Variants in OPCML observed in about 807,000 individuals in gnomAD.
OPCML encodes opioid-binding protein/cell adhesion molecule.
OPCML carries 13 observed loss-of-function variants against 37.8 expected under a neutral mutation model. That is an observed-to-expected ratio of 0.34 (90% CI 0.22 to 0.55). OPCML has a LOEUF of 0.55. OPCML is among the 20% of genes least tolerant of loss of function. The pLI is 0.91. For synonymous variants in OPCML, 176 were observed against 168.8 expected (o/e 1.04, Z -0.33); for missense variants, 341 against 435.6 (o/e 0.78, Z 1.93).
rs1565669811 is a variant in OPCML at position 133,499,838 on chromosome 11, A to ATATATATATACACACATATATATGTGTG, written c.61+32425_61+32426insCACACATATATATGTGTGTATATATATA. ...TATATATACACACATATATATGTGT[A>ATATATATATACACACATATATATGTGTG]TGTATATATATATACATACACATAT... On this transcript the variant is annotated intron_variant, in intron 1 of 7. Coordinates refer to ENST00000524381, the MANE Select transcript of OPCML (RefSeq NM_001012393.5). Among the ~76,000 whole-genome samples, 82 of 136,748 alleles carry ATATATATATACACACATATATATGTGTG rather than the reference A, an allele frequency of 6.0e-4. 2 individuals carry two copies. The highest frequency in any genetic ancestry group is 2.2e-3 in the African/African-American group (76 of 35,070). The allele number at this position is 136,748 out of a possible 152,430, so 89.7% of individuals were successfully genotyped here.
At chr11:132,611,371 C>G (rs945483067) in intron 3 of OPCML, among the ~76,000 whole-genome samples, 3 of 152,220 alleles carry the variant, frequency 2.0e-5, no homozygotes, top group Admixed American at 6.5e-5. Flanking sequence ...AGTTCCAATC[C>G]TCACTTCTCC....
In OPCML at chr11:132,483,421, A is replaced by G. The variant is rs1290286675; in HGVS notation, c.505+45640T>C. Among the ~76,000 whole-genome samples, 6 of 152,304 alleles carry G rather than the reference A, an allele frequency of 3.9e-5. No homozygotes were observed. The East Asian group carries it at 9.6e-4, about 24-fold the overall frequency. ...ACTGCTCAATGAAATCAAAGAGGAT[A>G]CAAACAAATGGAAGAACATTCCATG... On this transcript the variant is annotated intron_variant, in intron 4 of 7. Coordinates refer to ENST00000524381, the MANE Select transcript of OPCML (RefSeq NM_001012393.5).
chr11:132,820,920 C>A (rs1339933985), intron 2 of OPCML, among the ~76,000 whole-genome samples: 1 of 152,078 alleles, frequency 6.6e-6, no homozygotes, highest in East Asian at 1.9e-4. Context: ...TATGTTTAAC[C>A]CAGATATTTT....
Position 133,174,729 on chromosome 11 carries a change from C to T in OPCML, c.62-231719G>A, listed in dbSNP as rs1323261095. ...CTCCTGAAAAATAAATTTATGTTTG[C>T]CTATCTATATTTTCATCTCTCTGAC... On this transcript the variant is annotated intron_variant, in intron 1 of 7. Transcript: ENST00000524381. The surrounding 1 kb of genome is among the most constrained non-coding windows in gnomAD (Gnocchi z 4.6). Among the ~76,000 whole-genome samples the T allele has an allele frequency of 2.0e-5, 3 of 150,878 alleles. No homozygotes were observed. In the East Asian group the frequency reaches 5.8e-4, roughly 29 times the overall value.
At chr11:133,506,143 A>G (rs2120580823) in intron 1 of OPCML, among the ~76,000 whole-genome samples, 1 of 152,344 alleles carries the variant, frequency 6.6e-6, no homozygotes, top group Admixed American at 6.5e-5. Context: ...CTGTAGTGTG[A>G]CAAAGGTAGG....
intron 1 of OPCML, among the ~76,000 whole-genome samples, chr11:133,035,328 A>G (rs1458378327): frequency 6.6e-6 from 1 of 152,210 alleles, no homozygotes; most frequent in Non-Finnish European, 1.5e-5. Context: ...GATCTCTCCA[A>G]CAAACTCCAT....
Position 132,637,316 on chromosome 11 carries a change from A to G in OPCML, c.379+19771T>C, listed in dbSNP as rs560104179. Among the ~76,000 whole-genome samples, 445 of 152,066 alleles carry G rather than the reference A, an allele frequency of 2.9e-3. 2 individuals carry two copies. The highest frequency in any genetic ancestry group is 0.022 in the South Asian group (108 of 4,804). On this transcript the variant is annotated intron_variant, in intron 3 of 7. Transcript: ENST00000524381. ...TCTTAAGCTTCATCACTGAGACCAG[A>G]CCACCCCCACATTTTAAGCCTGGTT... is the stretch of plus-strand genomic sequence containing the variant.
intron 1 of OPCML, among the ~76,000 whole-genome samples, chr11:133,029,980 G>T (rs1407418826): frequency 6.6e-6 from 1 of 152,138 alleles, no homozygotes; most frequent in African/African-American, 2.4e-5. Flanking sequence ...CTTGGTCAAG[G>T]TCACCATCAT....
intron 1 of OPCML, chr11:133,007,196 C>T: frequency 3.0e-6 from 3 of 985,424 alleles, no homozygotes; most frequent in Non-Finnish European, 3.6e-6. Context: ...TCACATAGCA[C>T]AGTACAACCT....
intron 3 of OPCML, among the ~76,000 whole-genome samples, chr11:132,651,116 G>A (rs1011801540): frequency 1.6e-4 from 24 of 152,228 alleles, no homozygotes; most frequent in African/African-American, 5.5e-4. Flanking sequence ...TCACCTCAGG[G>A]CCCACCCTTT....
intron 2 of OPCML, among the ~76,000 whole-genome samples, chr11:132,918,199 C>CT (rs1944669780): frequency 1.3e-5 from 2 of 151,936 alleles, no homozygotes; most frequent in African/African-American, 4.8e-5. Flanking sequence ...TTTTGTATCC[C>CT]TTTTTTCTAG....
intron 4 of OPCML, among the ~76,000 whole-genome samples, chr11:132,512,616 A>G (rs1029347771): frequency 6.6e-6 from 1 of 152,032 alleles, no homozygotes; most frequent in Non-Finnish European, 1.5e-5. Flanking sequence ...ACAAGATTTT[A>G]CATTTTTTTC....
intron 7 of OPCML, among the ~76,000 whole-genome samples, chr11:132,427,659 C>T (rs118026503): frequency 2.4e-3 from 372 of 152,304 alleles, no homozygotes; most frequent in Non-Finnish European, 3.9e-3. Flanking sequence ...AATTCAAATC[C>T]GTCAGCTCAT....
intron 1 of OPCML, among the ~76,000 whole-genome samples, chr11:133,141,252 C>T (rs1278169170): frequency 3.9e-5 from 6 of 151,934 alleles, no homozygotes; most frequent in Non-Finnish European, 2.9e-5. Context: ...AGGCCTCACC[C>T]ATTTCTCCAC....
intron 3 of OPCML, among the ~76,000 whole-genome samples, chr11:132,568,488 T>C (rs1275711077): frequency 2.0e-5 from 3 of 152,110 alleles, no homozygotes; most frequent in African/African-American, 7.2e-5. Flanking sequence ...TAGGTCCTAA[T>C]CCAATAACTG....
At chr11:132,481,539 GA>G (rs2096180481) in intron 4 of OPCML, among the ~76,000 whole-genome samples, 1 of 150,482 alleles carries the variant, frequency 6.6e-6, no homozygotes, top group Non-Finnish European at 1.5e-5. Context: ...GGATACCCAG[GA>G]ATTGAACTCA....
At chr11:133,415,254 CA>C (rs1299363282) in intron 1 of OPCML, among the ~76,000 whole-genome samples, 1 of 151,876 alleles carries the variant, frequency 6.6e-6, no homozygotes, top group African/African-American at 2.4e-5. Context: ...CAAAAAAATA[CA>C]AAAAATTAGC....
chr11:133,293,657 G>A (rs1942544015), intron 1 of OPCML, among the ~76,000 whole-genome samples: 1 of 152,172 alleles, frequency 6.6e-6, no homozygotes, highest in Non-Finnish European at 1.5e-5. Flanking sequence ...CAGCATCTCA[G>A]TCAAGTCAGT....
At chr11:132,641,772 C>T (rs1167589440) in intron 3 of OPCML, among the ~76,000 whole-genome samples, 3 of 152,184 alleles carry the variant, frequency 2.0e-5, no homozygotes, top group Non-Finnish European at 2.9e-5. Flanking sequence ...TGTCCCCTCA[C>T]TTTCCACCCT....
Sources: allele counts gnomAD v4.1 joint callset (sites outside exome capture counted in the v4.1 genomes callset), GRCh38; gene constraint gnomAD v4.1.1; non-coding constraint Gnocchi (gnomAD v3.1); transcripts MANE v1.5; gene names NCBI Gene and HGNC (gene_info 2026-07-23, HGNC 2026-07-21).